AUTS2: variants seen among roughly 807,000 people sequenced by gnomAD.
AUTS2 encodes the protein autism susceptibility gene 2 protein.
A neutral mutation model predicts 112.4 loss-of-function variants in AUTS2; 17 were observed. The ratio of observed to expected loss-of-function variants is 0.15; its 90% CI spans 0.10 to 0.23. The LOEUF is 0.23. Among genes scored for constraint, AUTS2 ranks in the 10% least tolerant of loss-of-function variants. The pLI is 1.00. For synonymous variants in AUTS2, 751 were observed against 702.7 expected, an observed-to-expected ratio of 1.07 and a Z score of -1.09; for missense variants, 1,510 against 1,701.6, an observed-to-expected ratio of 0.89 and a Z score of 1.98.
chr7:69,876,140 G>A (rs2129536675), intron 1 of AUTS2, among the ~76,000 whole-genome samples: 1 of 150,484 alleles, frequency 6.6e-6, no homozygotes, highest in East Asian at 2.0e-4. Flanking sequence ...GCCGAGGTGG[G>A]CAGTTCACGC....
chr7:69,956,327 A>T (rs1185982058), intron 2 of AUTS2, among the ~76,000 whole-genome samples: 1 of 152,216 alleles, frequency 6.6e-6, no homozygotes, highest in African/African-American at 2.4e-5. Context: ...AAATGCACAT[A>T]CATACCTGTG....
intron 1 of AUTS2, among the ~76,000 whole-genome samples, chr7:69,849,867 C>CT (rs1325620503): frequency 2.6e-5 from 4 of 151,992 alleles, no homozygotes; most frequent in African/African-American, 9.7e-5. Flanking sequence ...ATTCTTTTTA[C>CT]TTTTGGGCTA....
chr7:70,731,892 A>G (rs1787424518), intron 6 of AUTS2, among the ~76,000 whole-genome samples: 1 of 152,062 alleles, frequency 6.6e-6, no homozygotes, highest in African/African-American at 2.4e-5. Flanking sequence ...TAAGTAATTC[A>G]CTGAGTATTT....
intron 5 of AUTS2, among the ~76,000 whole-genome samples, chr7:70,551,440 A>T (rs1027049664): frequency 6.6e-6 from 1 of 152,186 alleles, no homozygotes; most frequent in Non-Finnish European, 1.5e-5. Flanking sequence ...ATGGCATTTC[A>T]CCTCTGTAGT....
intron 1 of AUTS2, among the ~76,000 whole-genome samples, chr7:69,803,193 G>A (rs1790159132): frequency 1.3e-5 from 2 of 152,190 alleles, no homozygotes; most frequent in South Asian, 4.1e-4. Context: ...CTTCCTGAAG[G>A]AATTGCTTTA....
At chr7:69,979,266 C>T (rs1330576350) in intron 2 of AUTS2, among the ~76,000 whole-genome samples, 1 of 152,136 alleles carries the variant, frequency 6.6e-6, no homozygotes, top group Non-Finnish European at 1.5e-5. Context: ...CAGGGAAGAA[C>T]CTTATTTTCT....
At chr7:70,239,622 A>G (rs910271558) in intron 4 of AUTS2, among the ~76,000 whole-genome samples, 9 of 152,068 alleles carry the variant, frequency 5.9e-5, no homozygotes, top group Non-Finnish European at 1.5e-5. Context: ...TTTAGTAGAG[A>G]CAGGGTTTCC....
chr7:69,956,545 C>T (rs2129546509), intron 2 of AUTS2, among the ~76,000 whole-genome samples: 1 of 152,214 alleles, frequency 6.6e-6, no homozygotes, highest in South Asian at 2.1e-4. Flanking sequence ...CCCCTCAACC[C>T]CTTACGAGAT....
chr7:70,371,511 G>A (rs1174991488), intron 4 of AUTS2, among the ~76,000 whole-genome samples: 1 of 152,182 alleles, frequency 6.6e-6, no homozygotes, highest in Non-Finnish European at 1.5e-5. Flanking sequence ...GGAAAACCTA[G>A]CGTGTGGTTC....
At chr7:69,888,540 G>GATATATATAT (rs60804022) in intron 1 of AUTS2, among the ~76,000 whole-genome samples, 1,382 of 99,024 alleles carry the variant, frequency 0.014, 26 homozygotes, top group African/African-American at 0.027. Flanking sequence ...CAACATTGGG[G>GATATATATAT]ATATATATAT....
At chr7:70,505,147 A>G (rs538930550) in intron 5 of AUTS2, among the ~76,000 whole-genome samples, 5 of 152,198 alleles carry the variant, frequency 3.3e-5, no homozygotes, top group Non-Finnish European at 7.3e-5. Flanking sequence ...CTCAGCGCTC[A>G]ATAGATGACT....
chr7:70,340,109 C>T (rs1035122533), intron 4 of AUTS2, among the ~76,000 whole-genome samples: 1 of 151,642 alleles, frequency 6.6e-6, no homozygotes, highest in African/African-American at 2.4e-5. Context: ...CATAGTACTA[C>T]ACTATTAGTT....
intron 1 of AUTS2, among the ~76,000 whole-genome samples, chr7:69,876,472 A>AT (rs1793787728): frequency 8.6e-6 from 1 of 116,408 alleles, no homozygotes; most frequent in Non-Finnish European, 1.8e-5. Context: ...ATATATACAT[A>AT]AAATATTTTG....
intron 1 of AUTS2, among the ~76,000 whole-genome samples, chr7:69,652,036 A>G (rs1317495967): frequency 1.3e-5 from 2 of 152,178 alleles, no homozygotes; most frequent in Admixed American, 1.3e-4. Context: ...ATTAGATTAA[A>G]TCGAATGGTT....
At chr7:70,352,633 C>T (rs576221888) in intron 4 of AUTS2, among the ~76,000 whole-genome samples, 128 of 152,126 alleles carry the variant, frequency 8.4e-4, no homozygotes, top group African/African-American at 2.9e-3. Context: ...GTGCCTACTA[C>T]GAGGTAAACA....
chr7:69,880,608 T>G (rs1390405714), intron 1 of AUTS2, among the ~76,000 whole-genome samples: 1 of 152,154 alleles, frequency 6.6e-6, no homozygotes, highest in Non-Finnish European at 1.5e-5. Flanking sequence ...TCCTTGCAAA[T>G]ATAATGGCAG....
At chr7:70,268,547 T>C (rs572620602) in intron 4 of AUTS2, among the ~76,000 whole-genome samples, 5 of 152,202 alleles carry the variant, frequency 3.3e-5, no homozygotes, top group Non-Finnish European at 7.3e-5. Context: ...GGTTTCTGGG[T>C]TTAGGCTTCA....
intron 2 of AUTS2, among the ~76,000 whole-genome samples, chr7:70,101,981 ATTTAT>A (rs960354497): frequency 1.3e-5 from 2 of 152,092 alleles, no homozygotes; most frequent in African/African-American, 4.8e-5. Flanking sequence ...AAAATCCCAC[ATTTAT>A]TTTATATATT....
chr7:70,066,502 A>G (rs182903581), intron 2 of AUTS2, among the ~76,000 whole-genome samples: 1 of 150,830 alleles, frequency 6.6e-6, no homozygotes, highest in East Asian at 1.9e-4. Flanking sequence ...TAAAAGTTTA[A>G]TTTTAAAATC....
Sources: allele counts gnomAD v4.1 joint callset (sites outside exome capture counted in the v4.1 genomes callset), GRCh38; gene constraint gnomAD v4.1.1; transcripts MANE v1.5; gene names NCBI Gene and HGNC (gene_info 2026-07-23, HGNC 2026-07-21).